The following ELFN2 variants were observed in gnomAD, a reference collection of about 807,000 sequenced individuals.
ELFN2 encodes the protein extracellular leucine rich repeat and fibronectin type III domain containing 2.
A neutral mutation model predicts 45.5 loss-of-function variants in ELFN2; 17 were observed. That is an observed-to-expected ratio of 0.37 (90% confidence interval 0.26 to 0.56). The LOEUF (loss-of-function observed/expected upper bound fraction) is 0.56, where lower values mean the gene tolerates loss of function less well. ELFN2 is among the 20% of genes least tolerant of loss of function. The probability of loss-of-function intolerance (pLI) is 0.77; values close to 1 mark genes in which losing one functional copy is unlikely to be tolerated. For synonymous variants in ELFN2, 550 were observed against 551.5 expected (o/e 1.00, Z 0.04); for missense variants, 922 against 1,183.2 (o/e 0.78, Z 3.24).
intron 2 of ELFN2, among the ~76,000 whole-genome samples, chr22:37,382,917 C>G (rs1439691279): frequency 6.6e-6 from 1 of 152,162 alleles, no homozygotes; most frequent in Non-Finnish European, 1.5e-5. Flanking sequence ...AAGTCTGGTT[C>G]CTTGTGCTTC....
At chr22:37,420,026 C>A (rs912818912) in intron 1 of ELFN2, among the ~76,000 whole-genome samples, 5 of 152,178 alleles carry the variant, frequency 3.3e-5, no homozygotes, top group African/African-American at 1.2e-4. Context: ...ATTCTAAACA[C>A]AGGCAAGTAA....
At chr22:37,408,346 G>A (rs531046638) in intron 2 of ELFN2, among the ~76,000 whole-genome samples, 26 of 152,330 alleles carry the variant, frequency 1.7e-4, no homozygotes, top group South Asian at 1.2e-3. Context: ...TGGCACAGGC[G>A]TCCCTTGAAC....
At chr22:37,383,176 T>C (rs1412389752) in intron 2 of ELFN2, among the ~76,000 whole-genome samples, 5 of 152,162 alleles carry the variant, frequency 3.3e-5, no homozygotes, top group African/African-American at 9.7e-5. Flanking sequence ...CCAGTGCCGA[T>C]GCGTTCAGAG....
chr22:37,383,293 T>C (rs1931840140), intron 2 of ELFN2, among the ~76,000 whole-genome samples: 1 of 152,212 alleles, frequency 6.6e-6, no homozygotes, highest in Admixed American at 6.5e-5. Context: ...TTGTCCTAGA[T>C]GTCAACCAAA....
In ELFN2 at chr22:37,405,089, C is replaced by CT. The variant is rs1491573989; in HGVS notation, c.-463+12679_-463+12680insA. Reference sequence around the variant, plus strand: ...GGCCCCTCACCTCCCTGAACCTCAGCATTTTTTTTTTTTTTTTTTTTTTGA... The same window carrying CT: ...GGCCCCTCACCTCCCTGAACCTCAGCTATTTTTTTTTTTTTTTTTTTTTTGA... On this transcript the variant is annotated intron_variant, in intron 2 of 2. Transcript: ENST00000402918. Among the ~76,000 whole-genome samples, 777 of 121,444 alleles carry CT rather than the reference C, an allele frequency of 6.4e-3. 51 individuals carry two copies. The highest frequency in any genetic ancestry group is 0.017 in the African/African-American group (482 of 29,192). The allele number at this position is 121,444 out of a possible 152,430, so 79.7% of individuals were successfully genotyped here.
intron 2 of ELFN2, among the ~76,000 whole-genome samples, chr22:37,393,964 C>G (rs1000562181): frequency 6.6e-6 from 1 of 152,308 alleles, no homozygotes; most frequent in East Asian, 1.9e-4. Context: ...ATGATGCCAC[C>G]GCCAGCATCA....
Position 37,375,846 on chromosome 22 carries a change from C to T in ELFN2, c.-312G>A, listed in dbSNP as rs1355310825. 9.6e-6 allele frequency: 4 copies of T among 417,666 alleles called. No homozygotes were observed. Among genetic ancestry groups the T allele is most frequent in the Non-Finnish European group, 1.3e-5 (3 of 226,326 alleles). The allele number at this position is 417,666 out of a possible 1,614,324, so 25.9% of individuals were successfully genotyped here. On this transcript the variant is annotated 5_prime_UTR_variant, in exon 3 of 3. Transcript: ENST00000402918. ...GGCTTGACTTCCTCTCCCTCCTCCT[C>T]CTCCTCCTCCTCCTCCTCCTCCTCG...
intron 1 of ELFN2, chr22:37,353,680 C>T (rs1053301249): frequency 6.6e-6 from 1 of 150,990 alleles, no homozygotes; most frequent in South Asian, 2.1e-4. Flanking sequence ...GCTTCATCAT[C>T]AGGGAAATGC....
intron 1 of ELFN2, among the ~76,000 whole-genome samples, chr22:37,423,687 T>A (rs115233075): frequency 0.014 from 2,184 of 152,252 alleles, 53 homozygotes; most frequent in African/African-American, 0.05. Flanking sequence ...TTATTATTAT[T>A]ATCACTATAG....
At chr22:37,412,952 T>C (rs9622619) in intron 2 of ELFN2, among the ~76,000 whole-genome samples, 27,483 of 152,098 alleles carry the variant, frequency 0.18, 4,629 homozygotes, top group African/African-American at 0.45. Flanking sequence ...CTCCCTTCCC[T>C]TGACACAGTG....
intron 2 of ELFN2, among the ~76,000 whole-genome samples, chr22:37,392,832 C>G (rs1345938406): frequency 6.6e-6 from 1 of 152,182 alleles, no homozygotes; most frequent in Non-Finnish European, 1.5e-5. Context: ...ATCCGACTTC[C>G]CAGATGTATG....
chr22:37,348,165 G>A lies in ELFN2; in HGVS notation n.149-5462C>T, dbSNP rs550295318. On this transcript the variant is annotated intron_variant and non_coding_transcript_variant, in intron 1 of 2. Coordinates refer to ENST00000452946, the Ensembl canonical transcript of ELFN2. Reference sequence around the variant, plus strand: ...CAGAGGCCAGTGTGGGCCACGTTGAGGCTGGAAGTTCACAGACACGTGCGC... The same window carrying A: ...CAGAGGCCAGTGTGGGCCACGTTGAAGCTGGAAGTTCACAGACACGTGCGC... Among the ~76,000 whole-genome samples, 6 of 152,346 alleles carry A rather than the reference G, an allele frequency of 3.9e-5. 1 individual carries two copies. In the South Asian group the frequency reaches 1.2e-3, roughly 32 times the overall value.
chr22:37,425,103 C>T (rs994587673), intron 1 of ELFN2, among the ~76,000 whole-genome samples: 1 of 152,210 alleles, frequency 6.6e-6, no homozygotes, highest in African/African-American at 2.4e-5. Context: ...AATGGCCTCA[C>T]GCTCCCTGGC....
chr22:37,356,769 G>T (rs1329553782), intron 1 of ELFN2, among the ~76,000 whole-genome samples: 1 of 152,158 alleles, frequency 6.6e-6, no homozygotes, highest in East Asian at 1.9e-4. Flanking sequence ...TACACACTTT[G>T]TCCACGTTCC....
chr22:37,410,890 AC>A (rs1404571107), intron 2 of ELFN2, among the ~76,000 whole-genome samples: 2 of 151,846 alleles, frequency 1.3e-5, no homozygotes, highest in Non-Finnish European at 2.9e-5. Flanking sequence ...AGGGGCAGAC[AC>A]CCCCACATTT....
In ELFN2 at chr22:37,373,691, T is replaced by A; in HGVS notation, c.1844A>T (p.Gln615Leu). Residue 615 changes from glutamine to leucine, a missense_variant, in exon 3 of 3, where the codon CAG (glutamine) becomes CTG (leucine). By Grantham distance (113) the Gln-to-Leu change is moderately radical. This residue lies in a region of ELFN2 where 564 missense variants were observed against 642.8 expected (regional missense o/e 0.88). Coordinates refer to ENST00000402918, the MANE Select transcript of ELFN2 (RefSeq NM_052906.5). ...GGCCGCGTCGGCGCTCAGCTGGCGC[T>A]GTAGTGGGTGGTGGGAGCTCTCCTT... ...PYKESSHHPLQRQLSADAAVT... is the reference protein window; with the variant it reads ...PYKESSHHPLLRQLSADAAVT... 40 of 1,561,850 alleles carry A rather than the reference T, an allele frequency of 2.6e-5. No individual in the cohort carries two copies. The highest frequency in any genetic ancestry group is 3.5e-5 in the Non-Finnish European group (40 of 1,158,106).
intron 2 of ELFN2, among the ~76,000 whole-genome samples, chr22:37,391,966 C>A (rs1344059614): frequency 2.0e-5 from 3 of 152,218 alleles, no homozygotes; most frequent in Non-Finnish European, 2.9e-5. Context: ...GCCTCAGTTT[C>A]CCCAAGACCC....
chr22:37,386,577 G>T (rs1686048842), intron 2 of ELFN2, among the ~76,000 whole-genome samples: 1 of 152,342 alleles, frequency 6.6e-6, no homozygotes. Flanking sequence ...CTCCAGAGGA[G>T]GTGGGAGGGT....
chr22:37,343,934 AAAGAGGGAGTGGG>A (rs1930625882), intron 1 of ELFN2, among the ~76,000 whole-genome samples: 2 of 151,742 alleles, frequency 1.3e-5, no homozygotes, highest in African/African-American at 4.8e-5. Context: ...GGCCGCTGTC[AAAGAGGGAGTGGG>A]ACAGGGCAGT....
Sources: gnomAD v4.1 joint callset for allele counts (sites outside exome capture counted in the v4.1 genomes callset) on GRCh38, gnomAD v4.1.1 for gene constraint, gnomAD v4.1.1 regional missense constraint, MANE v1.5 for transcripts, NCBI Gene and HGNC (gene_info 2026-07-23, HGNC 2026-07-21) for gene names.